The following HHAT variants were observed in gnomAD, a reference collection of about 807,000 sequenced individuals.
HHAT encodes the protein hedgehog acyltransferase.
HHAT carries 47 observed loss-of-function variants against 70.8 expected under a neutral mutation model. The ratio of observed to expected loss-of-function variants is 0.66; its 90% confidence interval spans 0.53 to 0.85. The LOEUF (loss-of-function observed/expected upper bound fraction) is 0.85. HHAT is among the 40% of genes least tolerant of loss of function. The probability of loss-of-function intolerance (pLI) is 0.00; values close to 1 mark genes in which losing one functional copy is unlikely to be tolerated. For synonymous variants in HHAT, 228 were observed against 247.6 expected, an observed-to-expected ratio of 0.92 and a Z score of 0.74; for missense variants, 609 against 604.8, an observed-to-expected ratio of 1.01 and a Z score of -0.07.
At chr1:210,447,496 T>C (rs7548396) in intron 7 of HHAT, among the ~76,000 whole-genome samples, 110,963 of 152,130 alleles carry the variant, frequency 0.73, 40,649 homozygotes, top group South Asian at 0.78. Context: ...TGGAAAGATT[T>C]TGCCGATCAG....
intron 8 of HHAT, among the ~76,000 whole-genome samples, chr1:210,507,446 C>T (rs542681671): frequency 1.5e-4 from 23 of 150,630 alleles, no homozygotes; most frequent in African/African-American, 5.1e-4. Context: ...CTGTAACCTC[C>T]GCCTCCTGGG....
intron 9 of HHAT, among the ~76,000 whole-genome samples, chr1:210,568,474 G>A (rs933911521): frequency 3.9e-5 from 6 of 152,214 alleles, no homozygotes; most frequent in African/African-American, 1.4e-4. Context: ...AGGGTGTCCA[G>A]GTTGTTGGCA....
chr1:210,512,947 G>A (rs571569619), intron 8 of HHAT, among the ~76,000 whole-genome samples: 1 of 152,196 alleles, frequency 6.6e-6, no homozygotes, highest in East Asian at 1.9e-4. Context: ...TTTTGGAATT[G>A]GTATGTCTGA....
intron 11 of HHAT, among the ~76,000 whole-genome samples, chr1:210,671,932 C>G (rs571292497): frequency 6.6e-6 from 1 of 152,172 alleles, no homozygotes; most frequent in Non-Finnish European, 1.5e-5. Context: ...CAGGCTAAGG[C>G]GCAAGGAAGA....
chr1:210,427,295 T>C (rs1163624272), intron 7 of HHAT, among the ~76,000 whole-genome samples: 1 of 152,124 alleles, frequency 6.6e-6, no homozygotes, highest in Non-Finnish European at 1.5e-5. Context: ...TTCAAGTCTC[T>C]AATCCTTTCA....
At chr1:210,336,273 A>C (rs906083861) in intron 1 of HHAT, among the ~76,000 whole-genome samples, 1 of 104,718 alleles carries the variant, frequency 9.5e-6, no homozygotes, top group Admixed American at 1.0e-4. Context: ...GGCATGCACC[A>C]CTGTGCCTGG....
intron 7 of HHAT, among the ~76,000 whole-genome samples, chr1:210,448,359 G>T (rs879835420): frequency 1.3e-5 from 2 of 152,172 alleles, no homozygotes; most frequent in African/African-American, 2.4e-5. Context: ...TGGGATTACA[G>T]ACGTGAGCCA....
intron 2 of HHAT, among the ~76,000 whole-genome samples, chr1:210,353,809 T>C (rs1201631303): frequency 3.3e-5 from 5 of 152,154 alleles, no homozygotes; most frequent in Non-Finnish European, 5.9e-5. Flanking sequence ...TTCTTTTTGT[T>C]TTCTAACTCA....
intron 10 of HHAT, among the ~76,000 whole-genome samples, chr1:210,610,548 C>T (rs533994808): frequency 3.2e-4 from 48 of 152,152 alleles, no homozygotes; most frequent in African/African-American, 1.1e-3. Context: ...TTTTTGCTTT[C>T]GTTGCAATTG....
chr1:210,497,880 C>T (rs1369434955), intron 8 of HHAT, among the ~76,000 whole-genome samples: 1 of 151,980 alleles, frequency 6.6e-6, no homozygotes, highest in Non-Finnish European at 1.5e-5. Flanking sequence ...ATTCTCCTGC[C>T]TCAGCCTCCA....
chr1:210,384,918 T>G (rs542404809), intron 3 of HHAT, among the ~76,000 whole-genome samples: 9 of 152,342 alleles, frequency 5.9e-5, no homozygotes, highest in African/African-American at 2.2e-4. Context: ...CTTTTCTGTT[T>G]GGTCATTTCC....
At chr1:210,383,629 C>T (rs12067861) in intron 3 of HHAT, among the ~76,000 whole-genome samples, 36,305 of 152,010 alleles carry the variant, frequency 0.24, 4,758 homozygotes, top group African/African-American at 0.34. Flanking sequence ...GAATATAAAC[C>T]ATGGACTTTG....
chr1:210,452,262 G>A (rs2093770703), intron 7 of HHAT, among the ~76,000 whole-genome samples: 1 of 152,190 alleles, frequency 6.6e-6, no homozygotes, highest in Non-Finnish European at 1.5e-5. Flanking sequence ...GGCTGAGCAA[G>A]GAGGTGGGAT....
intron 3 of HHAT, among the ~76,000 whole-genome samples, chr1:210,380,838 G>A (rs2090579482): frequency 6.7e-6 from 1 of 149,442 alleles, no homozygotes; most frequent in Non-Finnish European, 1.5e-5. Flanking sequence ...CAGTTGTAAT[G>A]TGGGATGGTG....
At chr1:210,404,702 T>C (rs781456103) in intron 6 of HHAT, 23 bp downstream of exon 6, 1 of 1,587,260 alleles carries the variant, frequency 6.3e-7, no homozygotes, top group South Asian at 1.1e-5. Flanking sequence ...GGGGATGGGA[T>C]TGGGATTCTA....
intron 6 of HHAT, among the ~76,000 whole-genome samples, chr1:210,415,395 GC>G (rs1308970569): frequency 3.3e-5 from 5 of 152,288 alleles, no homozygotes; most frequent in African/African-American, 9.6e-5. Context: ...CTCAGTTTAT[GC>G]CCAGAAAGGG....
At chr1:210,406,924 TAACCCCTTCTAA>T (rs2148223673) in intron 6 of HHAT, among the ~76,000 whole-genome samples, 1 of 152,308 alleles carries the variant, frequency 6.6e-6, no homozygotes, top group Non-Finnish European at 1.5e-5. Flanking sequence ...TCTTCTTTTT[TAACCCCTTCTAA>T]AACAATAGCA....
intron 9 of HHAT, among the ~76,000 whole-genome samples, chr1:210,519,527 C>CTTTTTTTTTT (rs35244381): frequency 7.8e-6 from 1 of 127,474 alleles, no homozygotes. Context: ...ATTTTCTTTG[C>CTTTTTTTTTT]TTTTTTTTTT....
At chr1:210,587,259 C>G (rs1660660203) in intron 9 of HHAT, among the ~76,000 whole-genome samples, 1 of 152,158 alleles carries the variant, frequency 6.6e-6, no homozygotes, top group African/African-American at 2.4e-5. Context: ...CTGGGGAGGC[C>G]TCACAATCAT....
Sources: gnomAD v4.1 joint callset for allele counts (sites outside exome capture counted in the v4.1 genomes callset) on GRCh38, gnomAD v4.1.1 for gene constraint, MANE v1.5 for transcripts, NCBI Gene and HGNC (gene_info 2026-07-23, HGNC 2026-07-21) for gene names.